SIPA1L3: variants seen among roughly 807,000 people sequenced by gnomAD.
SIPA1L3 encodes the protein signal-induced proliferation-associated 1-like protein 3.
Under a neutral mutation model 150.1 loss-of-function variants are expected in SIPA1L3, and 59 were observed. The ratio of observed to expected loss-of-function variants is 0.39; its 90% CI spans 0.32 to 0.49. SIPA1L3 has a LOEUF of 0.49. Ranked by LOEUF, SIPA1L3 falls within the 20% of genes least tolerant of loss-of-function variation. SIPA1L3 has a pLI of 0.86. For missense variants in SIPA1L3, 2,211 were observed against 2,489.5 expected, an observed-to-expected ratio of 0.89 and a Z score of 2.38; for synonymous variants, 1,070 against 1,077.6, an observed-to-expected ratio of 0.99 and a Z score of 0.14.
At chr19:37,915,289 T>C (rs1248218616) in intron 1 of SIPA1L3, among the ~76,000 whole-genome samples, 1 of 152,114 alleles carries the variant, frequency 6.6e-6, no homozygotes, top group Non-Finnish European at 1.5e-5. Flanking sequence ...AAACAAAGTG[T>C]AGTGTCCAAG....
chr19:38,049,098 G>T (rs1969127406), intron 2 of SIPA1L3, among the ~76,000 whole-genome samples: 1 of 151,884 alleles, frequency 6.6e-6, no homozygotes, highest in African/African-American at 2.4e-5. Context: ...AAAGCGGGGG[G>T]TGGACAGGGG....
rs1310437354 is a variant in SIPA1L3, at chr19:38,179,904, G to A, written c.4209-2615G>A. ...GTCACCCAGGCTAGAGTGCAGTGGCGCAATCTCAGCTCACTGCAACCTCTG... is the reference window on the plus strand; with the variant it reads ...GTCACCCAGGCTAGAGTGCAGTGGCACAATCTCAGCTCACTGCAACCTCTG... On this transcript the variant is annotated intron_variant, in intron 15 of 21. Coordinates refer to ENST00000222345, the MANE Select transcript of SIPA1L3 (RefSeq NM_015073.3). Among the ~76,000 whole-genome samples, 5 of 151,756 alleles carry A rather than the reference G, an allele frequency of 3.3e-5. No individual in the cohort carries two copies. The East Asian group carries it at 7.7e-4, about 23-fold the overall frequency.
At chr19:38,128,515 G>C (rs1014162595) in intron 9 of SIPA1L3, among the ~76,000 whole-genome samples, 1 of 152,190 alleles carries the variant, frequency 6.6e-6, no homozygotes, top group Non-Finnish European at 1.5e-5. Context: ...CTGTGGGCAT[G>C]TGTGTAAAAC....
chr19:38,002,115 A>G (rs1967819848), intron 1 of SIPA1L3, among the ~76,000 whole-genome samples: 1 of 152,228 alleles, frequency 6.6e-6, no homozygotes, highest in Non-Finnish European at 1.5e-5. Flanking sequence ...GTACATGCAC[A>G]TGGTTGTGCA....
intron 21 of SIPA1L3, 112 bp downstream of exon 21, chr19:38,204,320 C>T: frequency 1.3e-6 from 1 of 772,484 alleles, no homozygotes; most frequent in Non-Finnish European, 2.1e-6. Context: ...ACCCCCACAC[C>T]TCCTGTGTTT....
intron 1 of SIPA1L3, among the ~76,000 whole-genome samples, chr19:37,911,347 A>G (rs186741098): frequency 6.6e-6 from 1 of 152,026 alleles, no homozygotes; most frequent in East Asian, 1.9e-4. Flanking sequence ...CCTATTTGTA[A>G]CCCAGTTTTT....
chr19:38,071,201 TTATCTATCTATCTATCTATC>T lies in SIPA1L3; in HGVS notation c.-310-10009_-310-9990del, dbSNP rs60942211. On this transcript the variant is annotated intron_variant, in intron 2 of 21. Coordinates refer to ENST00000222345, the MANE Select transcript of SIPA1L3 (RefSeq NM_015073.3). ...CCAGTCATTTAATAGTTATGTTGTT[TTATCTATCTATCTATCTATC>T]TATCTATCTATCTATCTATCTATCT... Among the ~76,000 whole-genome samples, 850 of 142,258 alleles carry T rather than the reference TTATCTATCTATCTATCTATC, an allele frequency of 6.0e-3. 6 individuals carry two copies. Among genetic ancestry groups the T allele is most frequent in the East Asian group, 0.043 (205 of 4,722 alleles). The allele number at this position is 142,258 out of a possible 152,430, so 93.3% of individuals were successfully genotyped here.
At chr19:38,159,104 A>G (rs1387414386) in intron 13 of SIPA1L3, among the ~76,000 whole-genome samples, 2 of 152,242 alleles carry the variant, frequency 1.3e-5, no homozygotes, top group Non-Finnish European at 2.9e-5. Context: ...CCATCAATGG[A>G]GGCAGAGCAG....
chr19:37,977,052 G>T (rs532754233), intron 1 of SIPA1L3, among the ~76,000 whole-genome samples: 1 of 152,116 alleles, frequency 6.6e-6, no homozygotes, highest in African/African-American at 2.4e-5. Context: ...ACCCAGGCTG[G>T]TCTTGAACTC....
intron 16 of SIPA1L3, among the ~76,000 whole-genome samples, chr19:38,188,395 G>A (rs1972734156): frequency 6.6e-6 from 1 of 151,674 alleles, no homozygotes; most frequent in Admixed American, 6.6e-5. Flanking sequence ...ATGTTGGCCA[G>A]TCTGGTCTCG....
intron 1 of SIPA1L3, among the ~76,000 whole-genome samples, chr19:37,921,604 T>C (rs79587241): frequency 7.3e-6 from 1 of 136,284 alleles, no homozygotes; most frequent in South Asian, 2.3e-4. Flanking sequence ...TTTTTCTTTC[T>C]TTTTTTTTTT....
rs2036701594 is a variant in SIPA1L3 at position 38,047,088 on chromosome 19, G to A, written c.-311+17932G>A. On this transcript the variant is annotated intron_variant, in intron 2 of 21. Coordinates refer to ENST00000222345, the MANE Select transcript of SIPA1L3 (RefSeq NM_015073.3). The surrounding 1 kb of genome is among the most constrained non-coding windows in gnomAD (Gnocchi z 4.7). The stretch of plus-strand genomic sequence containing the variant: ...AGGCACTATCCAGTTTTACACATGA[G>A]GAAACTGAGGCACGGATAAGTTGGG... 6.6e-6 allele frequency among the ~76,000 whole-genome samples: 1 copy of A among 152,140 alleles called. No homozygotes were observed. Among genetic ancestry groups the A allele is most frequent in the Non-Finnish European group, 1.5e-5 (1 of 68,026 alleles).
chr19:38,037,968 T>C (rs1409943109), intron 2 of SIPA1L3, among the ~76,000 whole-genome samples: 1 of 152,102 alleles, frequency 6.6e-6, no homozygotes, highest in Non-Finnish European at 1.5e-5. Flanking sequence ...GGTCAGAGGA[T>C]GGCAGGTAGG....
intron 12 of SIPA1L3, among the ~76,000 whole-genome samples, chr19:38,144,731 G>A (rs1419326221): frequency 6.6e-6 from 1 of 152,188 alleles, no homozygotes; most frequent in Non-Finnish European, 1.5e-5. Flanking sequence ...ACTCAATTAC[G>A]AGGGGGTTCT....
intron 1 of SIPA1L3, among the ~76,000 whole-genome samples, chr19:37,968,391 A>T (rs2145587814): frequency 6.6e-6 from 1 of 152,228 alleles, no homozygotes; most frequent in South Asian, 2.1e-4. Flanking sequence ...TCTTAATGGG[A>T]CAATTGCAGT....
chr19:38,039,695 A>G (rs1328040131), intron 2 of SIPA1L3, among the ~76,000 whole-genome samples: 9 of 4,828 alleles, frequency 1.9e-3, no homozygotes, highest in Non-Finnish European at 3.2e-3. Flanking sequence ...CTCTGTCTCA[A>G]AAAAAAAAAA....
chr19:38,201,471 C>T (rs745740160), intron 19 of SIPA1L3, among the ~76,000 whole-genome samples: 1 of 152,212 alleles, frequency 6.6e-6, no homozygotes, highest in African/African-American at 2.4e-5. Flanking sequence ...GTGGACCTGG[C>T]GCCAGCCCGT....
intron 9 of SIPA1L3, among the ~76,000 whole-genome samples, chr19:38,121,311 G>A (rs1025705146): frequency 3.9e-5 from 6 of 152,024 alleles, no homozygotes; most frequent in African/African-American, 1.5e-4. Flanking sequence ...GGTGGTGGGC[G>A]CCTGTAGTCC....
chr19:38,079,708 A>G (rs1969934227), intron 2 of SIPA1L3, among the ~76,000 whole-genome samples: 1 of 152,038 alleles, frequency 6.6e-6, no homozygotes, highest in African/African-American at 2.4e-5. Context: ...GGCACATGCC[A>G]CCATGCCTGG....
Sources: gnomAD v4.1 joint callset for allele counts (sites outside exome capture counted in the v4.1 genomes callset) on GRCh38, gnomAD v4.1.1 for gene constraint, Gnocchi (gnomAD v3.1) non-coding constraint, MANE v1.5 for transcripts, NCBI Gene and HGNC (gene_info 2026-07-23, HGNC 2026-07-21) for gene names.